Variants in IL2RB observed in about 807,000 individuals in gnomAD.
The protein encoded by IL2RB is interleukin 2 receptor subunit beta, also known as interleukin-2 receptor subunit beta.
IL2RB carries 17 observed loss-of-function variants against 44.2 expected under a neutral mutation model. The ratio of observed to expected loss-of-function variants is 0.38; its 90% CI spans 0.26 to 0.58. IL2RB has a LOEUF of 0.58. Ranked by LOEUF, IL2RB falls within the 20% of genes least tolerant of loss-of-function variation. The pLI is 0.63. For missense variants in IL2RB, 624 were observed against 685.5 expected, an observed-to-expected ratio of 0.91 and a Z score of 1.00; for synonymous variants, 286 against 297.9, an observed-to-expected ratio of 0.96 and a Z score of 0.41.
chr22:37,167,893 G>A (rs1422607557), intron 1 of IL2RB, among the ~76,000 whole-genome samples: 2 of 152,240 alleles, frequency 1.3e-5, no homozygotes, highest in Admixed American at 6.5e-5. Flanking sequence ...AGGAAGGGAA[G>A]GGGTGCGGGA....
intron 1 of IL2RB, among the ~76,000 whole-genome samples, chr22:37,149,021 G>A (rs1444648731): frequency 1.3e-5 from 2 of 152,132 alleles, no homozygotes; most frequent in East Asian, 1.9e-4. Context: ...GGCTTCTCCA[G>A]CTGGGTGCGG....
chr22:37,142,571 G>A (rs1434014099), intron 3 of IL2RB, 59 bp from the exon 4 acceptor site: 2 of 1,532,800 alleles, frequency 1.3e-6, no homozygotes, highest in African/African-American at 2.7e-5. Flanking sequence ...GCTGGCCCAA[G>A]GGACTCTTCT....
chr22:37,133,567 C>A (rs1051931776), intron 8 of IL2RB, among the ~76,000 whole-genome samples: 4 of 152,204 alleles, frequency 2.6e-5, no homozygotes, highest in African/African-American at 9.7e-5. Flanking sequence ...CTTTGCAAAC[C>A]TCTTGGGAGA....
chr22:37,161,578 C>T (rs1922874655), intron 1 of IL2RB, among the ~76,000 whole-genome samples: 1 of 130,282 alleles, frequency 7.7e-6, no homozygotes. Context: ...AGCCTCAGCT[C>T]CAGACCTCAG....
At position 37,139,142 on chromosome 22, in the gene IL2RB, G is replaced by T; in HGVS notation, c.363C>A (p.Ile121=). 6.2e-7 allele frequency: 1 copy of T among 1,613,582 alleles called. No individual in the cohort carries two copies. Among genetic ancestry groups the T allele is most frequent in the Non-Finnish European group, 8.5e-7 (1 of 1,179,522 alleles). Residue 121 remains isoleucine (I), a synonymous_variant, in exon 5 of 10, where the codon ATC becomes ATA. Coordinates refer to ENST00000216223, the MANE Select transcript of IL2RB (RefSeq NM_000878.5). ...GGTTCTCAAAGGGCTTGAAGTCCTGGATGGCCATCACCCTCCATCGCACCC... is the reference window on the plus strand; with the variant it reads ...GGTTCTCAAAGGGCTTGAAGTCCTGTATGGCCATCACCCTCCATCGCACCC... ...REGVRWRVMA[I]QDFKPFENLR...
At chr22:37,131,371 C>A (rs1011275194) in intron 9 of IL2RB, among the ~76,000 whole-genome samples, 1 of 152,096 alleles carries the variant, frequency 6.6e-6, no homozygotes, top group South Asian at 2.1e-4. Context: ...CATCCCCACC[C>A]CCCAATCTTG....
chr22:37,139,930 G>A (rs1921884078), intron 4 of IL2RB, among the ~76,000 whole-genome samples: 1 of 152,218 alleles, frequency 6.6e-6, no homozygotes, highest in African/African-American at 2.4e-5. Flanking sequence ...GGCCCTCTGT[G>A]TCCCCCTACA....
intron 1 of IL2RB, among the ~76,000 whole-genome samples, chr22:37,171,221 G>A (rs1458111385): frequency 2.0e-5 from 3 of 152,158 alleles, no homozygotes; most frequent in Admixed American, 1.3e-4. Flanking sequence ...GACCGCAGGT[G>A]ATCCACCCAC....
In IL2RB at chr22:37,128,823, G is replaced by A. The variant is rs769023487; in HGVS notation, c.929C>T (p.Ser310Leu). 12 of 1,609,340 alleles carry A rather than the reference G, an allele frequency of 7.5e-6. No homozygotes were observed. The highest frequency in any genetic ancestry group is 1.0e-5 in the Non-Finnish European group (12 of 1,176,310). ...VQKWLSSPFP[S>L]SSFSPGGLAP... ...CAGGCCGCCAGGGCTGAAGGACGAT[G>A]AGGGGAAGGGCGAAGAGAGCCACTT... The change falls in exon 10 of 10, where the codon TCA (serine) becomes TTA (leucine). Residue 310 changes from serine (S) to leucine (L), a missense_variant. Physicochemically the swap from Ser to Leu is moderately radical, Grantham distance 145 (BLOSUM62 -2). Coordinates refer to ENST00000216223, the MANE Select transcript of IL2RB (RefSeq NM_000878.5). This position sits in a 1 kb window ranked among gnomAD's most constrained non-coding sequence, Gnocchi z 4.5.
At chr22:37,169,466 C>T (rs1923201835) in intron 1 of IL2RB, among the ~76,000 whole-genome samples, 1 of 152,198 alleles carries the variant, frequency 6.6e-6, no homozygotes, top group African/African-American at 2.4e-5. Context: ...GCCATGTCAT[C>T]CTTCACTCTG....
At chr22:37,140,382 CTG>C (rs1921907012) in intron 4 of IL2RB, among the ~76,000 whole-genome samples, 1 of 151,976 alleles carries the variant, frequency 6.6e-6, no homozygotes, top group Non-Finnish European at 1.5e-5. Context: ...ATCACTCACA[CTG>C]TGCCGGGCAC....
intron 1 of IL2RB, among the ~76,000 whole-genome samples, chr22:37,164,248 T>C (rs972265175): frequency 5.9e-5 from 9 of 151,968 alleles, no homozygotes; most frequent in Non-Finnish European, 1.2e-4. Context: ...AACCCCAGCC[T>C]CACTCCTCCC....
At chr22:37,135,217 A>AGTGTGTGTGT in intron 8 of IL2RB, 111 bp downstream of exon 8, 1 of 675,634 alleles carries the variant, frequency 1.5e-6, no homozygotes, top group Non-Finnish European at 2.7e-6. Context: ...TGTTCATGTA[A>AGTGTGTGTGT]GTGTGTGTGT....
At position 37,128,220 on chromosome 22, in the gene IL2RB, A is replaced by G; in HGVS notation, c.1532T>C (p.Phe511Ser). The change falls in exon 10 of 10, where the codon TTC (phenylalanine) becomes TCC (serine). Residue 511 changes from phenylalanine to serine, a missense_variant. Transcript: ENST00000216223. This position sits in a 1 kb window ranked among gnomAD's most constrained non-coding sequence, Gnocchi z 4.5. ...PDAGPREGVS[F>S]PWSRPPGQGE... ...CTGCCCAGGAGGCCTGGACCAGGGG[A>G]AACTGACTCCCTCCCTGGGGCCAGC... 6.6e-7 allele frequency: 1 copy of G among 1,511,678 alleles called. No homozygotes were observed. Among genetic ancestry groups the G allele is most frequent in the Non-Finnish European group, 8.8e-7 (1 of 1,131,736 alleles). 93.6% of individuals were successfully genotyped at this position (1,511,678 alleles called of 1,614,324 possible).
At chr22:37,170,215 C>T (rs1462425407) in intron 1 of IL2RB, among the ~76,000 whole-genome samples, 2 of 152,092 alleles carry the variant, frequency 1.3e-5, no homozygotes, top group African/African-American at 2.4e-5. Flanking sequence ...GGCCAGAACA[C>T]AGCAGAAAGG....
rs535266550 is a variant in IL2RB at position 37,126,126 on chromosome 22, T to C, written c.*1970A>G. On this transcript the variant is annotated 3_prime_UTR_variant, in exon 10 of 10. Transcript: ENST00000216223. ...TGGAGAAGGCAAATACAATTTCCAT[T>C]TGGGGGGATAAGGAGACCGACTTGC... The C allele has an allele frequency of 3.0e-4, 45 of 152,136 alleles. No homozygotes were observed. Among genetic ancestry groups the C allele is most frequent in the African/African-American group, 1.0e-3 (43 of 41,504 alleles). The allele number at this position is 152,136 out of a possible 1,614,324, so 9.4% of individuals were successfully genotyped here. A position where few individuals can be genotyped will look rare whatever the true frequency, so the allele number is the denominator to read the frequency against.
In IL2RB at chr22:37,128,952, G is replaced by C; in HGVS notation, c.904-104C>G. ...CCTAACTCCTCCTCCTCCTGAAGCAGTTGGCCCAGGGCTGCCCCATCCAGG... is the reference window on the plus strand; with the variant it reads ...CCTAACTCCTCCTCCTCCTGAAGCACTTGGCCCAGGGCTGCCCCATCCAGG... On this transcript the variant is annotated intron_variant, in intron 9 of 9. Coordinates refer to ENST00000216223, the MANE Select transcript of IL2RB (RefSeq NM_000878.5). The surrounding 1 kb of genome is among the most constrained non-coding windows in gnomAD (Gnocchi z 4.5). 7.5e-7 allele frequency: 1 copy of C among 1,340,276 alleles called. No individual in the cohort carries two copies. The highest frequency in any genetic ancestry group is 1.0e-6 in the Non-Finnish European group (1 of 1,000,932). 83.0% of individuals were successfully genotyped at this position (1,340,276 alleles called of 1,614,324 possible). A position where few individuals can be genotyped will look rare whatever the true frequency, so the allele number is the denominator to read the frequency against.
chr22:37,141,322 G>A lies in IL2RB; in HGVS notation c.282+1112C>T, dbSNP rs1202935885. Among the ~76,000 whole-genome samples, 1 of 152,204 alleles carries A rather than the reference G, an allele frequency of 6.6e-6. No homozygotes were observed. Among genetic ancestry groups the A allele is most frequent in the Admixed American group, 6.5e-5 (1 of 15,292 alleles). On this transcript the variant is annotated intron_variant, in intron 4 of 9. Coordinates refer to ENST00000216223, the MANE Select transcript of IL2RB (RefSeq NM_000878.5). The surrounding 1 kb of genome is among the most constrained non-coding windows in gnomAD (Gnocchi z 4.4). Reference sequence around the variant, plus strand: ...GCACAGCTGCAGCTACCCAAGTTGTGGCTGTGGACCCAGGCATCCCTGCAC... The same window carrying A: ...GCACAGCTGCAGCTACCCAAGTTGTAGCTGTGGACCCAGGCATCCCTGCAC...
intron 3 of IL2RB, 110 bp from the exon 4 acceptor site, chr22:37,142,622 C>A: frequency 8.7e-7 from 1 of 1,144,794 alleles, no homozygotes; most frequent in South Asian, 1.3e-5. Context: ...GCAGCAAGGC[C>A]AGGCTGGGGC....
Sources: gnomAD v4.1 joint callset for allele counts (sites outside exome capture counted in the v4.1 genomes callset) on GRCh38, gnomAD v4.1.1 for gene constraint, Gnocchi (gnomAD v3.1) non-coding constraint, MANE v1.5 for transcripts, NCBI Gene and HGNC (gene_info 2026-07-23, HGNC 2026-07-21) for gene names.